Variants in DOCK8 observed in about 807,000 individuals in gnomAD.
DOCK8 encodes dedicator of cytokinesis 8.
A neutral mutation model predicts 245.6 loss-of-function variants in DOCK8; 141 were observed. The ratio of observed to expected loss-of-function variants is 0.57; its 90% CI spans 0.50 to 0.66. The LOEUF (loss-of-function observed/expected upper bound fraction) is 0.66, where lower values mean the gene tolerates loss of function less well. DOCK8 is among the 30% of genes least tolerant of loss of function. The pLI, the probability that DOCK8 is intolerant of heterozygous loss-of-function variation, is 0.00. For missense variants in DOCK8, 2,965 were observed against 2,603.4 expected, an observed-to-expected ratio of 1.14 and a Z score of -3.02; for synonymous variants, 1,168 against 970.2, an observed-to-expected ratio of 1.20 and a Z score of -3.79.
At chr9:308,276 C>A (rs1453998369) in intron 5 of DOCK8, among the ~76,000 whole-genome samples, 1 of 152,178 alleles carries the variant, frequency 6.6e-6, no homozygotes, top group African/African-American at 2.4e-5. Flanking sequence ...TTGATCATTA[C>A]ACATTGTACA....
chr9:215,293 A>G (rs1281122870), intron 1 of DOCK8: 2 of 1,608,642 alleles, frequency 1.2e-6, no homozygotes, highest in Non-Finnish European at 1.7e-6. Context: ...CCTTCCCCGA[A>G]CAACCTCGCC....
intron 30 of DOCK8, among the ~76,000 whole-genome samples, chr9:418,554 C>T (rs2056135069): frequency 6.6e-6 from 1 of 152,250 alleles, no homozygotes; most frequent in African/African-American, 2.4e-5. Flanking sequence ...AGGCGTGAGC[C>T]ACTGTGCCCA....
rs2051091562 is a variant in DOCK8, at chr9:332,888, C to T, written c.1125+410C>T. On this transcript the variant is annotated intron_variant, in intron 10 of 47. Transcript: ENST00000432829. ...GCCCAGGCTGCTCTCATAATTCTGG[C>T]CTCAAGTGATTCTCCTGCCTCAGCC... is the stretch of plus-strand genomic sequence containing the variant. 1.3e-5 allele frequency among the ~76,000 whole-genome samples: 2 copies of T among 151,950 alleles called. 1 individual carries two copies. The highest frequency in any genetic ancestry group is 4.8e-5 in the African/African-American group (2 of 41,356).
chr9:245,873 G>A (rs2047494133), intron 1 of DOCK8, among the ~76,000 whole-genome samples: 1 of 152,164 alleles, frequency 6.6e-6, no homozygotes, highest in South Asian at 2.1e-4. Context: ...AATGATAGGG[G>A]ACTTTGAAAT....
rs1468736441 is a variant in DOCK8 at position 429,906 on chromosome 9, G to A, written c.4626+52G>A. The A allele has an allele frequency of 2.5e-6, 4 of 1,605,796 alleles. No individual in the cohort carries two copies. The African/African-American group carries it at 4.0e-5, about 16-fold the overall frequency. On this transcript the variant is annotated intron_variant, in intron 36 of 47. Coordinates refer to ENST00000432829, the MANE Select transcript of DOCK8 (RefSeq NM_203447.4). ...CTGGAATCAGTAGAGAAAAATTGATGTAAAGCATCAGCTGCGAAAAAAAAT... is the reference window on the plus strand; with the variant it reads ...CTGGAATCAGTAGAGAAAAATTGATATAAAGCATCAGCTGCGAAAAAAAAT...
Position 291,659 on chromosome 9 carries a change from T to G in DOCK8, c.404+2078T>G, listed in dbSNP as rs918108412. ...TTGTGCTTAAAATGCAAAAACATCC[T>G]TCTCAGGAAAAATTTGTACATATTT... On this transcript the variant is annotated intron_variant, in intron 4 of 47. Coordinates refer to ENST00000432829, the MANE Select transcript of DOCK8 (RefSeq NM_203447.4). 2.0e-4 allele frequency among the ~76,000 whole-genome samples: 31 copies of G among 152,106 alleles called. 1 individual carries two copies. The highest frequency in any genetic ancestry group is 7.4e-5 in the Non-Finnish European group (5 of 68,012).
chr9:444,844 C>G (rs1362784099), intron 43 of DOCK8, among the ~76,000 whole-genome samples: 1 of 152,212 alleles, frequency 6.6e-6, no homozygotes, highest in African/African-American at 2.4e-5. Context: ...GCCCACTCAG[C>G]CCAACTCACA....
intron 14 of DOCK8, among the ~76,000 whole-genome samples, chr9:361,622 C>G (rs2052734902): frequency 6.6e-6 from 1 of 152,138 alleles, no homozygotes; most frequent in African/African-American, 2.4e-5. Context: ...CCCATCTCCC[C>G]TGGTATAAAA....
chr9:344,233 T>G (rs560761215), intron 14 of DOCK8, among the ~76,000 whole-genome samples: 7 of 152,224 alleles, frequency 4.6e-5, no homozygotes, highest in African/African-American at 1.7e-4. Flanking sequence ...ACAGTTCTTC[T>G]CTGTGGCTCT....
intron 10 of DOCK8, 110 bp downstream of exon 10, chr9:332,588 A>G: frequency 1.4e-6 from 1 of 703,988 alleles, no homozygotes. Context: ...GTCCCTATAT[A>G]AGACACTACT....
Position 405,094 on chromosome 9 carries a change from C to G in DOCK8, c.3390+21C>G, listed in dbSNP as rs114758207. The G allele has an allele frequency of 2.8e-3, 4,435 of 1,602,236 alleles. 92 individuals carry two copies. In the African/African-American group the frequency reaches 0.048, roughly 17 times the overall value. On this transcript the variant is annotated intron_variant, in intron 27 of 47. Coordinates refer to ENST00000432829, the MANE Select transcript of DOCK8 (RefSeq NM_203447.4). ...CCCAGGTAATAAAAGAATTATTTAA[C>G]TAAAAGAATTATTCAAGCTATTTCA...
At chr9:377,464 G>A (rs1164347905) in intron 20 of DOCK8, among the ~76,000 whole-genome samples, 1 of 152,100 alleles carries the variant, frequency 6.6e-6, no homozygotes, top group African/African-American at 2.4e-5. Context: ...ATTATAGGCA[G>A]TCTTTAAAAT....
chr9:375,823 C>A (rs2053490717), intron 18 of DOCK8, among the ~76,000 whole-genome samples: 1 of 152,122 alleles, frequency 6.6e-6, no homozygotes, highest in African/African-American at 2.4e-5. Flanking sequence ...ATGGTGAAAC[C>A]ACATTTCTAC....
At chr9:435,488 A>G (rs1212412587) in intron 39 of DOCK8, among the ~76,000 whole-genome samples, 1 of 152,178 alleles carries the variant, frequency 6.6e-6, no homozygotes, top group Admixed American at 6.5e-5. Context: ...ACTCTTTTTC[A>G]AAGACTTGTA....
chr9:257,009 A>G (rs891523247), intron 1 of DOCK8, among the ~76,000 whole-genome samples: 1 of 152,196 alleles, frequency 6.6e-6, no homozygotes, highest in African/African-American at 2.4e-5. Flanking sequence ...TCACCCTTCC[A>G]GGCACTGACT....
chr9:381,484 C>G (rs1289892945), intron 21 of DOCK8: 1 of 152,070 alleles, frequency 6.6e-6, no homozygotes, highest in Non-Finnish European at 1.5e-5. Flanking sequence ...AATGCATTTC[C>G]CCAACTCTTC....
chr9:420,458 T>C lies in DOCK8; in HGVS notation c.3898T>C (p.Phe1300Leu). 2 of 1,614,190 alleles carry C rather than the reference T, an allele frequency of 1.2e-6. No individual in the cohort carries two copies. Among genetic ancestry groups the C allele is most frequent in the Non-Finnish European group, 1.7e-6 (2 of 1,180,040 alleles). ...ADTTRNLMICFLWIMKNADQS... is the reference protein window; with the variant it reads ...ADTTRNLMICLLWIMKNADQS... The stretch of plus-strand genomic sequence containing the variant: ...CACTACTCGCAACCTCATGATCTGC[T>C]TCCTCTGGATCATGAAAAATGCTGA... The change falls in exon 31 of 48, where the codon TTC becomes CTC. Residue 1300 changes from phenylalanine (F) to leucine (L), a missense_variant. Coordinates refer to ENST00000432829, the MANE Select transcript of DOCK8 (RefSeq NM_203447.4).
chr9:278,841 G>A (rs2048460650), intron 2 of DOCK8, among the ~76,000 whole-genome samples: 1 of 152,206 alleles, frequency 6.6e-6, no homozygotes, highest in South Asian at 2.1e-4. Context: ...AGGCCTCAGA[G>A]ACTGTAGAAC....
intron 7 of DOCK8, among the ~76,000 whole-genome samples, chr9:319,490 C>T (rs955128065): frequency 1.3e-4 from 20 of 152,108 alleles, no homozygotes; most frequent in African/African-American, 4.1e-4. Flanking sequence ...GACAGCCCTC[C>T]GAGTAACTAC....
Sources: gnomAD v4.1 joint callset for allele counts (sites outside exome capture counted in the v4.1 genomes callset) on GRCh38, gnomAD v4.1.1 for gene constraint, MANE v1.5 for transcripts, NCBI Gene and HGNC (gene_info 2026-07-23, HGNC 2026-07-21) for gene names.